USH2A: variants seen among roughly 807,000 people sequenced by gnomAD.
The protein encoded by USH2A is usherin.
A neutral mutation model predicts 538.9 loss-of-function variants in USH2A; 443 were observed. The observed-to-expected ratio is 0.82, with a 90% confidence interval of 0.76 to 0.89. The LOEUF (loss-of-function observed/expected upper bound fraction) is 0.89, where lower values mean the gene tolerates loss of function less well. Ranked by LOEUF, USH2A falls within the 40% of genes least tolerant of loss-of-function variation. The pLI, the probability that USH2A is intolerant of heterozygous loss-of-function variation, is 0.00. For synonymous variants in USH2A, 2,413 were observed against 2,273.5 expected (o/e 1.06, Z -1.75); for missense variants, 6,633 against 6,324.8 (o/e 1.05, Z -1.65).
Position 215,674,944 on chromosome 1 carries a change from G to A in USH2A, c.12967C>T (p.Leu4323Phe), listed in dbSNP as rs750512832. Residue 4323 changes from leucine (L) to phenylalanine (F), a missense_variant, in exon 63 of 72, where the codon CTT (leucine) becomes TTT (phenylalanine). Physicochemically the swap from Leu to Phe is conservative, Grantham distance 22 (BLOSUM62 0). Transcript: ENST00000307340. ...PVTFNYTDEE[L>F]LPFSTYSYAL... ...TAGCTATAGGTGGAAAAAGGAAGAA[G>A]CTCTTCATCAGTGTAATTGAAAGTC... 8.7e-6 allele frequency: 14 copies of A among 1,614,046 alleles called. No homozygotes were observed. The highest frequency in any genetic ancestry group is 6.7e-5 in the Admixed American group (4 of 60,002).
At chr1:215,982,699 C>G (rs1317810311) in intron 35 of USH2A, among the ~76,000 whole-genome samples, 2 of 152,102 alleles carry the variant, frequency 1.3e-5, no homozygotes, top group African/African-American at 2.4e-5. Context: ...CTACTATGAG[C>G]CAGACATTGT....
chr1:216,188,961 C>G (rs1286048110), intron 20 of USH2A, among the ~76,000 whole-genome samples: 2 of 151,836 alleles, frequency 1.3e-5, no homozygotes, highest in African/African-American at 2.4e-5. Context: ...GAAATTGTAT[C>G]ATTTAAAGGA....
chr1:215,892,585 C>A (rs527627693), intron 40 of USH2A, among the ~76,000 whole-genome samples: 64 of 152,098 alleles, frequency 4.2e-4, no homozygotes, highest in Admixed American at 1.6e-3. Context: ...TATTTATACC[C>A]CAACTACTTC....
chr1:216,140,960 A>G (rs1164477418), intron 21 of USH2A, among the ~76,000 whole-genome samples: 6 of 152,186 alleles, frequency 3.9e-5, no homozygotes, highest in Non-Finnish European at 7.3e-5. Flanking sequence ...CAGTAACAAC[A>G]TATGTCTTTC....
intron 9 of USH2A, among the ~76,000 whole-genome samples, chr1:216,300,073 T>C (rs115729519): frequency 0.01 from 1,550 of 152,306 alleles, 25 homozygotes; most frequent in African/African-American, 0.036. Context: ...CCATAATTGG[T>C]TCTTAACAAC....
At chr1:215,723,208 G>T (rs1429571009) in intron 61 of USH2A, among the ~76,000 whole-genome samples, 1 of 152,090 alleles carries the variant, frequency 6.6e-6, no homozygotes, top group African/African-American at 2.4e-5. Flanking sequence ...GAGTAGGGAG[G>T]TGAAACTTTT....
chr1:216,178,112 G>A (rs557402600), intron 20 of USH2A, among the ~76,000 whole-genome samples: 7 of 151,946 alleles, frequency 4.6e-5, no homozygotes, highest in Non-Finnish European at 8.8e-5. Context: ...TTAGACCTTC[G>A]GCCAGCTTTT....
intron 64 of USH2A, among the ~76,000 whole-genome samples, chr1:215,669,310 A>C (rs1657735762): frequency 1.3e-5 from 2 of 152,218 alleles, no homozygotes; most frequent in Non-Finnish European, 2.9e-5. Context: ...ATGAGAAAAG[A>C]ACAAAAGGGC....
At chr1:216,021,446 T>C (rs1227435893) in intron 32 of USH2A, among the ~76,000 whole-genome samples, 1 of 152,182 alleles carries the variant, frequency 6.6e-6, no homozygotes, top group African/African-American at 2.4e-5. Flanking sequence ...CTGCCATGAT[T>C]ATGAGGCCTC....
At chr1:216,250,237 C>G (rs1304524571) in intron 12 of USH2A, among the ~76,000 whole-genome samples, 1 of 151,884 alleles carries the variant, frequency 6.6e-6, no homozygotes, top group African/African-American at 2.4e-5. Flanking sequence ...CGAAAAATAC[C>G]TGTGGGAGTA....
intron 64 of USH2A, among the ~76,000 whole-genome samples, chr1:215,669,377 T>C (rs1657738161): frequency 6.6e-6 from 1 of 152,214 alleles, no homozygotes; most frequent in Admixed American, 6.5e-5. Flanking sequence ...GTGGCATCGG[T>C]AAGTATTTTG....
chr1:215,681,518 G>A (rs1015064914), intron 61 of USH2A, among the ~76,000 whole-genome samples: 5 of 152,120 alleles, frequency 3.3e-5, no homozygotes, highest in Non-Finnish European at 7.4e-5. Context: ...TGATGAACAA[G>A]GGAAGAAGAA....
In USH2A at chr1:216,325,429, T is replaced by C. The variant is rs766565588; in HGVS notation, c.1019A>G (p.His340Arg). 7 of 1,613,950 alleles carry C rather than the reference T, an allele frequency of 4.3e-6. No homozygotes were observed. Among genetic ancestry groups the C allele is most frequent in the East Asian group, 2.2e-5 (1 of 44,832 alleles). The part of the protein sequence containing the change: ...NRVSRLNPEA[H>R]PLSFVNDNDV... ...ATTATCATTGACAAAAGAGAGAGGATGGGCTTCAGGATTCAACCGTGACAC... is the reference window on the plus strand; with the variant it reads ...ATTATCATTGACAAAAGAGAGAGGACGGGCTTCAGGATTCAACCGTGACAC... The change falls in exon 6 of 72, where the codon CAT becomes CGT. Residue 340 changes from histidine to arginine, a missense_variant. Coordinates refer to ENST00000307340, the MANE Select transcript of USH2A (RefSeq NM_206933.4).
intron 31 of USH2A, among the ~76,000 whole-genome samples, chr1:216,047,066 AT>A (rs537402512): frequency 3.9e-5 from 6 of 152,164 alleles, no homozygotes; most frequent in Non-Finnish European, 7.4e-5. Context: ...TTTAGTGCAT[AT>A]TTTTTTAAAA....
chr1:215,907,865 G>A (rs1665679612), intron 38 of USH2A, among the ~76,000 whole-genome samples: 1 of 151,512 alleles, frequency 6.6e-6, no homozygotes, highest in Non-Finnish European at 1.5e-5. Context: ...AGATGGATGA[G>A]TTGATGGGGG....
chr1:215,971,665 C>T (rs566855210), intron 35 of USH2A, among the ~76,000 whole-genome samples: 1 of 152,218 alleles, frequency 6.6e-6, no homozygotes, highest in Non-Finnish European at 1.5e-5. Flanking sequence ...TTGTAAATAT[C>T]AGCTATGGTC....
chr1:216,400,169 T>C (rs867659562), intron 3 of USH2A, among the ~76,000 whole-genome samples: 1 of 151,308 alleles, frequency 6.6e-6, no homozygotes, highest in Non-Finnish European at 1.5e-5. Flanking sequence ...TGTGAATTCT[T>C]TCAAGCAAGA....
At position 215,999,059 on chromosome 1, in the gene USH2A, C is replaced by G; in HGVS notation, c.6486-1G>C. ...ACTTATTTTTCTTGGTTGTTTCCAC[C>G]TGGGAATGGTAAAATACATTATTAT... On this transcript the variant is annotated splice_acceptor_variant, in intron 33 of 71. Coordinates refer to ENST00000307340, the MANE Select transcript of USH2A (RefSeq NM_206933.4). LOFTEE classifies it high-confidence loss of function. The G allele has an allele frequency of 6.2e-7, 1 of 1,609,110 alleles. No individual in the cohort carries two copies. Among genetic ancestry groups the G allele is most frequent in the Non-Finnish European group, 8.5e-7 (1 of 1,176,270 alleles).
chr1:216,375,946 G>A (rs1303284303), intron 3 of USH2A, among the ~76,000 whole-genome samples: 3 of 152,116 alleles, frequency 2.0e-5, no homozygotes, highest in South Asian at 4.1e-4. Context: ...TCTGTCGGTG[G>A]AGAAGTCATA....
Sources: gnomAD v4.1 joint callset for allele counts (sites outside exome capture counted in the v4.1 genomes callset) on GRCh38, gnomAD v4.1.1 for gene constraint, MANE v1.5 for transcripts, NCBI Gene and HGNC (gene_info 2026-07-23, HGNC 2026-07-21) for gene names.